The following GRHL2 variants were observed in gnomAD, a reference collection of about 807,000 sequenced individuals.
GRHL2 encodes the protein grainyhead-like protein 2 homolog.
In GRHL2, 21 loss-of-function variants were observed where a neutral mutation model predicts 83.8. That is an observed-to-expected ratio of 0.25 (90% CI 0.18 to 0.36). The LOEUF (loss-of-function observed/expected upper bound fraction) is 0.36, where lower values mean the gene tolerates loss of function less well. GRHL2 is among the 10% of genes least tolerant of loss of function. The pLI, the probability that GRHL2 is intolerant of heterozygous loss-of-function variation, is 1.00. For synonymous variants in GRHL2, 280 were observed against 278.9 expected, an observed-to-expected ratio of 1.00 and a Z score of -0.04; for missense variants, 623 against 781.8, an observed-to-expected ratio of 0.80 and a Z score of 2.42.
At chr8:101,557,989 C>T (rs1363964486) in intron 3 of GRHL2, among the ~76,000 whole-genome samples, 1 of 152,058 alleles carries the variant, frequency 6.6e-6, no homozygotes, top group Non-Finnish European at 1.5e-5. Context: ...CTCAGCCTCC[C>T]GAGTAGCTGG....
rs539031048 is a variant in GRHL2, at chr8:101,616,039, TTCTTTC to T, written c.1099-3491_1099-3486del. On this transcript the variant is annotated intron_variant, in intron 8 of 15. Transcript: ENST00000646743. ...TTCTTTCTTTCTATCTTTTCTTTCT[TTCTTTC>T]TCTTTCTCCCCTCCCCTCCCCTCCT... is the stretch of plus-strand genomic sequence containing the variant. Among the ~76,000 whole-genome samples, 402 of 151,866 alleles carry T rather than the reference TTCTTTC, an allele frequency of 2.6e-3. 1 individual carries two copies. The highest frequency in any genetic ancestry group is 9.2e-3 in the African/African-American group (383 of 41,422).
chr8:101,610,597 C>T (rs1321351811), intron 8 of GRHL2, among the ~76,000 whole-genome samples: 1 of 150,666 alleles, frequency 6.6e-6, no homozygotes, highest in Admixed American at 6.6e-5. Context: ...TGACACTCTA[C>T]CGTTTAAAAG....
intron 13 of GRHL2, 130 bp downstream of exon 13, chr8:101,644,355 A>G: frequency 1.4e-6 from 1 of 717,574 alleles, no homozygotes; most frequent in East Asian, 2.7e-5. Flanking sequence ...TCACACAGGA[A>G]GTCCACAGTC....
In GRHL2 at chr8:101,641,921, T is replaced by C. The variant is rs769475612; in HGVS notation, c.1518-2210T>C. 1.6e-4 allele frequency among the ~76,000 whole-genome samples: 25 copies of C among 152,232 alleles called. 1 individual carries two copies. Among genetic ancestry groups the C allele is most frequent in the Admixed American group, 8.5e-4 (13 of 15,280 alleles). On this transcript the variant is annotated intron_variant, in intron 12 of 15. Transcript: ENST00000646743. Reference sequence around the variant, plus strand: ...AGATTATTTATAATACCTAATCCTATGCAAATTCTGTGTAAGTAATTGATA... The same window carrying C: ...AGATTATTTATAATACCTAATCCTACGCAAATTCTGTGTAAGTAATTGATA...
chr8:101,532,233 A>G (rs1189608872), intron 1 of GRHL2, among the ~76,000 whole-genome samples: 1 of 152,258 alleles, frequency 6.6e-6, no homozygotes, highest in Non-Finnish European at 1.5e-5. Context: ...ATTAATTTCC[A>G]TTTGAAAGTC....
At chr8:101,533,799 G>A (rs533777549) in intron 1 of GRHL2, among the ~76,000 whole-genome samples, 130 of 152,280 alleles carry the variant, frequency 8.5e-4, no homozygotes, top group African/African-American at 3.0e-3. Flanking sequence ...AACATTCTGG[G>A]AAGATGAAAC....
At chr8:101,517,821 AC>A (rs1810602152) in intron 1 of GRHL2, among the ~76,000 whole-genome samples, 2 of 152,180 alleles carry the variant, frequency 1.3e-5, no homozygotes, top group African/African-American at 4.8e-5. Context: ...TTGCAACCCT[AC>A]CTGACTTTCT....
chr8:101,537,799 A>G (rs186958191), intron 1 of GRHL2, among the ~76,000 whole-genome samples: 2 of 152,352 alleles, frequency 1.3e-5, no homozygotes, highest in Admixed American at 6.5e-5. Flanking sequence ...CAAAAATTCC[A>G]TAAAACACAA....
intron 1 of GRHL2, among the ~76,000 whole-genome samples, chr8:101,526,423 T>C (rs1439048590): frequency 1.3e-5 from 2 of 152,164 alleles, no homozygotes; most frequent in Middle Eastern, 3.4e-3. Context: ...TGCTTCATGA[T>C]ACATTAGCAA....
Position 101,492,491 on chromosome 8 carries a change from C to A in GRHL2, c.-279C>A. Reference sequence around the variant, plus strand: ...CCGCCACTTTCTGCTCTGTGTCTGCCCATTGCCACGATCCAGGAGGACTCC... The same window carrying A: ...CCGCCACTTTCTGCTCTGTGTCTGCACATTGCCACGATCCAGGAGGACTCC... On this transcript the variant is annotated 5_prime_UTR_variant, in exon 1 of 16. Transcript: ENST00000646743. 1.7e-6 allele frequency: 1 copy of A among 573,530 alleles called. No homozygotes were observed. Among genetic ancestry groups the A allele is most frequent in the Non-Finnish European group, 3.1e-6 (1 of 320,494 alleles). The allele number at this position is 573,530 out of a possible 1,614,324, so 35.5% of individuals were successfully genotyped here. A position where few individuals can be genotyped will look rare whatever the true frequency, so the allele number is the denominator to read the frequency against.
chr8:101,551,234 C>T (rs1425205958), intron 2 of GRHL2, among the ~76,000 whole-genome samples: 1 of 152,072 alleles, frequency 6.6e-6, no homozygotes, highest in Non-Finnish European at 1.5e-5. Context: ...TTTTTATTAA[C>T]AAATATAAAG....
intron 1 of GRHL2, among the ~76,000 whole-genome samples, chr8:101,525,822 T>C (rs1810792030): frequency 6.6e-6 from 1 of 152,076 alleles, no homozygotes; most frequent in Admixed American, 6.6e-5. Context: ...TACCAAAAAT[T>C]AGCTGGGTGT....
At chr8:101,617,499 C>T (rs1331445620) in intron 8 of GRHL2, among the ~76,000 whole-genome samples, 1 of 151,956 alleles carries the variant, frequency 6.6e-6, no homozygotes, top group South Asian at 2.1e-4. Context: ...ATTCAAAAGG[C>T]TTTTATTTTA....
intron 13 of GRHL2, among the ~76,000 whole-genome samples, chr8:101,645,677 ACCTGGGAGACG>A (rs1813498191): frequency 6.6e-6 from 1 of 151,970 alleles, no homozygotes; most frequent in Non-Finnish European, 1.5e-5. Flanking sequence ...AGGAGTTAAT[ACCTGGGAGACG>A]CTTCAGGCAG....
the GRHL2 span, among the ~76,000 whole-genome samples, chr8:101,680,788 A>G: frequency 7.8e-6 from 1 of 127,592 alleles, no homozygotes; most frequent in Non-Finnish European, 1.6e-5. Flanking sequence ...AAAGCCGCTC[A>G]ACTACATGGA....
At chr8:101,572,593 C>G (rs1024083752) in intron 5 of GRHL2, among the ~76,000 whole-genome samples, 25 of 152,116 alleles carry the variant, frequency 1.6e-4, no homozygotes, top group African/African-American at 6.0e-4. Flanking sequence ...AAAAAATAAA[C>G]ACAATGGAGA....
chr8:101,581,755 C>G (rs1262902175), intron 7 of GRHL2, among the ~76,000 whole-genome samples: 1 of 152,150 alleles, frequency 6.6e-6, no homozygotes, highest in Non-Finnish European at 1.5e-5. Flanking sequence ...TCAAACTGCT[C>G]AAGACTAGGG....
chr8:101,548,604 G>C (rs1811314142), intron 2 of GRHL2, among the ~76,000 whole-genome samples: 1 of 152,204 alleles, frequency 6.6e-6, no homozygotes, highest in Admixed American at 6.5e-5. Flanking sequence ...AGGCTCTGAG[G>C]AGAACAATAA....
rs182056405 is a variant in GRHL2 at position 101,611,303 on chromosome 8, C to T, written c.1099-8236C>T. Reference sequence around the variant, plus strand: ...TTATGTTACATCTTCTCACCCACCACCTTCAGAGAAAGCTCTTTCTTCCTC... The same window carrying T: ...TTATGTTACATCTTCTCACCCACCATCTTCAGAGAAAGCTCTTTCTTCCTC... On this transcript the variant is annotated intron_variant, in intron 8 of 15. Coordinates refer to ENST00000646743, the MANE Select transcript of GRHL2 (RefSeq NM_024915.4). Among the ~76,000 whole-genome samples the T allele has an allele frequency of 1.2e-3, 174 of 151,110 alleles. 17 individuals are homozygous for T. Among genetic ancestry groups the T allele is most frequent in the African/African-American group, 4.2e-3 (169 of 40,496 alleles).
Sources: gnomAD v4.1 joint callset for allele counts (sites outside exome capture counted in the v4.1 genomes callset) on GRCh38, gnomAD v4.1.1 for gene constraint, MANE v1.5 for transcripts, NCBI Gene and HGNC (gene_info 2026-07-23, HGNC 2026-07-21) for gene names.